SLC24A2: variants seen among roughly 807,000 people sequenced by gnomAD.
SLC24A2 encodes sodium/potassium/calcium exchanger 2.
A neutral mutation model predicts 62.0 loss-of-function variants in SLC24A2; 36 were observed. The ratio of observed to expected loss-of-function variants is 0.58; its 90% confidence interval spans 0.44 to 0.77. The LOEUF (loss-of-function observed/expected upper bound fraction) is 0.77. SLC24A2 is among the 30% of genes least tolerant of loss of function. SLC24A2 has a pLI of 0.00. For missense variants in SLC24A2, 846 were observed against 817.9 expected (o/e 1.03, Z -0.42); for synonymous variants, 358 against 294.0 (o/e 1.22, Z -2.23).
At chr9:19,633,871 T>C (rs1339629327) in intron 2 of SLC24A2, among the ~76,000 whole-genome samples, 2 of 152,180 alleles carry the variant, frequency 1.3e-5, no homozygotes, top group African/African-American at 4.8e-5. Context: ...TCTGCAAATA[T>C]TTTCCCCCTG....
At chr9:20,277,121 C>A in the SLC24A2 span, among the ~76,000 whole-genome samples, 2 of 152,038 alleles carry the variant, frequency 1.3e-5, no homozygotes, top group Non-Finnish European at 2.9e-5. Context: ...ATGGGGTTTT[C>A]CCATAAAAGC....
intron 2 of SLC24A2, among the ~76,000 whole-genome samples, chr9:19,674,149 C>A (rs2118340455): frequency 6.6e-6 from 1 of 152,282 alleles, no homozygotes; most frequent in South Asian, 2.1e-4. Flanking sequence ...TCTCTAGATA[C>A]AAAATTCTTG....
At position 19,553,946 on chromosome 9, in the gene SLC24A2, CCCTT is replaced by C. The variant is rs1233926427; in HGVS notation, c.1348-3682_1348-3679del. On this transcript the variant is annotated intron_variant, in intron 7 of 10. Transcript: ENST00000341998. Reference sequence around the variant, plus strand: ...TGAATTGTGTTCCCTCCAATCATGCCCCTTCCTTCTCCCCCACCCAAATTCATAT... The same window carrying C: ...TGAATTGTGTTCCCTCCAATCATGCCCCTTCTCCCCCACCCAAATTCATAT... 6.6e-5 allele frequency among the ~76,000 whole-genome samples: 10 copies of C among 152,222 alleles called. No individual in the cohort carries two copies. In the East Asian group the frequency reaches 1.9e-3, roughly 29 times the overall value.
At chr9:19,617,317 C>T (rs1426892206) in intron 4 of SLC24A2, among the ~76,000 whole-genome samples, 4 of 152,262 alleles carry the variant, frequency 2.6e-5, no homozygotes, top group South Asian at 4.1e-4. Context: ...GGTACCAGTC[C>T]GTGGTCTGGG....
intron 2 of SLC24A2, among the ~76,000 whole-genome samples, chr9:19,678,707 C>T (rs1211653311): frequency 6.6e-6 from 1 of 152,160 alleles, no homozygotes; most frequent in African/African-American, 2.4e-5. Context: ...ATAGTTCATA[C>T]ATGCTGGCAT....
At chr9:19,706,345 T>C (rs1296230025) in intron 2 of SLC24A2, among the ~76,000 whole-genome samples, 1 of 151,758 alleles carries the variant, frequency 6.6e-6, no homozygotes, top group Non-Finnish European at 1.5e-5. Flanking sequence ...GTGAGATGGG[T>C]TTCCTGAACA....
chr9:20,250,696 G>A, the SLC24A2 span, among the ~76,000 whole-genome samples: 1 of 152,084 alleles, frequency 6.6e-6, no homozygotes. Context: ...GTTTTACTAT[G>A]TTGAAGTGAA....
At chr9:20,071,257 A>C in the SLC24A2 span, among the ~76,000 whole-genome samples, 1 of 152,168 alleles carries the variant, frequency 6.6e-6, no homozygotes, top group Non-Finnish European at 1.5e-5. Context: ...GTGGGATGGA[A>C]TAATGGAGCC....
rs538355189 is a variant in SLC24A2 at position 19,778,320 on chromosome 9, T to C, written c.930+7617A>G. Among the ~76,000 whole-genome samples, 12 of 152,292 alleles carry C rather than the reference T, an allele frequency of 7.9e-5. No individual in the cohort carries two copies. In the South Asian group the frequency reaches 2.5e-3, roughly 32 times the overall value. The stretch of plus-strand genomic sequence containing the variant: ...TGTCTGTATTGCTTTGCCTTCAAGG[T>C]ATTTGCCATTCCTTAGCAGCCTAAA... On this transcript the variant is annotated intron_variant, in intron 2 of 10. Coordinates refer to ENST00000341998, the MANE Select transcript of SLC24A2 (RefSeq NM_020344.4).
At chr9:19,674,424 C>T (rs557233341) in intron 2 of SLC24A2, among the ~76,000 whole-genome samples, 38 of 152,200 alleles carry the variant, frequency 2.5e-4, no homozygotes, top group South Asian at 6.2e-4. Context: ...CTAGCAAGGC[C>T]GGGGAAGTTT....
At chr9:20,108,852 A>T in the SLC24A2 span, among the ~76,000 whole-genome samples, 1 of 152,128 alleles carries the variant, frequency 6.6e-6, no homozygotes, top group African/African-American at 2.4e-5. Context: ...GTATAGTAAT[A>T]ATAAAATTAA....
At chr9:19,688,705 T>C (rs1587155199) in intron 2 of SLC24A2, among the ~76,000 whole-genome samples, 1 of 152,090 alleles carries the variant, frequency 6.6e-6, no homozygotes, top group Admixed American at 6.6e-5. Flanking sequence ...AGGAGTGCAT[T>C]TGCAGAAATT....
the SLC24A2 span, among the ~76,000 whole-genome samples, chr9:19,861,096 G>C: frequency 6.6e-6 from 1 of 152,124 alleles, no homozygotes; most frequent in African/African-American, 2.4e-5. Context: ...TACATAACTG[G>C]TAGCCAGGGA....
chr9:20,201,755 G>A, the SLC24A2 span, among the ~76,000 whole-genome samples: 1 of 152,094 alleles, frequency 6.6e-6, no homozygotes, highest in Non-Finnish European at 1.5e-5. Flanking sequence ...TTTAGAGAGA[G>A]GAGAAAAGTA....
the SLC24A2 span, among the ~76,000 whole-genome samples, chr9:20,019,091 AAGAAAGAAAGAT>A: frequency 0.035 from 1,596 of 45,660 alleles, 54 homozygotes; most frequent in South Asian, 0.044. Context: ...GAGAGAAAGA[AAGAAAGAAAGAT>A]AGAAAGAAAG....
chr9:19,909,071 T>G, the SLC24A2 span, among the ~76,000 whole-genome samples: 2 of 152,144 alleles, frequency 1.3e-5, no homozygotes, highest in Non-Finnish European at 2.9e-5. Flanking sequence ...AGCAAAGACT[T>G]GGAACTAACC....
chr9:19,986,792 C>T, the SLC24A2 span, among the ~76,000 whole-genome samples: 4 of 151,894 alleles, frequency 2.6e-5, no homozygotes, highest in Non-Finnish European at 4.4e-5. Flanking sequence ...GAGGGGGAAA[C>T]AGGAAGTAAC....
chr9:19,834,296 G>T, the SLC24A2 span, among the ~76,000 whole-genome samples: 1 of 150,874 alleles, frequency 6.6e-6, no homozygotes, highest in Non-Finnish European at 1.5e-5. Context: ...GAGGAAGTTC[G>T]AACCAATGGC....
the SLC24A2 span, among the ~76,000 whole-genome samples, chr9:20,233,935 C>G: frequency 6.6e-6 from 1 of 152,204 alleles, no homozygotes; most frequent in Non-Finnish European, 1.5e-5. Context: ...GTGACAAAAT[C>G]TCTCAGCTTT....
Sources: allele counts gnomAD v4.1 joint callset (sites outside exome capture counted in the v4.1 genomes callset), GRCh38; gene constraint gnomAD v4.1.1; transcripts MANE v1.5; gene names NCBI Gene and HGNC (gene_info 2026-07-23, HGNC 2026-07-21).